The following ZNF208 variants were observed in gnomAD, a reference collection of about 807,000 sequenced individuals.
ZNF208 encodes the protein zinc finger protein 95.
In ZNF208, 10 loss-of-function variants were observed where a neutral mutation model predicts 12.1. The observed-to-expected ratio is 0.83, with a 90% confidence interval of 0.51 to 1.40. The LOEUF (loss-of-function observed/expected upper bound fraction) is 1.40, where lower values mean the gene tolerates loss of function less well. ZNF208 is among the 40% of genes most tolerant of loss of function. The pLI is 0.00. For synonymous variants in ZNF208, 497 were observed against 488.4 expected, an observed-to-expected ratio of 1.02 and a Z score of -0.23; for missense variants, 1,652 against 1,485.0, an observed-to-expected ratio of 1.11 and a Z score of -1.85.
At chr19:21,979,233 C>T (rs1599620330) in intron 3 of ZNF208, among the ~76,000 whole-genome samples, 1 of 152,146 alleles carries the variant, frequency 6.6e-6, no homozygotes, top group East Asian at 1.9e-4. Context: ...GAGAACACCA[C>T]AAAGATGCTC....
At chr19:21,978,765 G>C (rs1163296631) in intron 3 of ZNF208, among the ~76,000 whole-genome samples, 2 of 152,030 alleles carry the variant, frequency 1.3e-5, no homozygotes, top group African/African-American at 4.8e-5. Context: ...TTCAGAGGTG[G>C]GTTATAACAA....
Position 21,973,068 on chromosome 19 carries a change from T to C in ZNF208, c.1966A>G (p.Lys656Glu). Residue 656 changes from lysine to glutamate, a missense_variant, in exon 4 of 4, where the codon AAG becomes GAG. By Grantham distance (56) the Lys-to-Glu change is moderately conservative. Transcript: ENST00000397126. ...FIKVSTLTTH[K>E]AIHAGEKPYK... Reference sequence around the variant, plus strand: ...GGCTTCTCTCCAGCATGAATTGCCTTATGTGTAGTAAGGGTTGAGACCTTA... The same window carrying C: ...GGCTTCTCTCCAGCATGAATTGCCTCATGTGTAGTAAGGGTTGAGACCTTA... 6 of 1,613,524 alleles carry C rather than the reference T, an allele frequency of 3.7e-6. 1 individual carries two copies. The South Asian group carries it at 4.4e-5, about 12-fold the overall frequency.
intron 1 of ZNF208, among the ~76,000 whole-genome samples, chr19:21,996,113 C>T (rs1226982312): frequency 1.3e-5 from 2 of 152,056 alleles, no homozygotes; most frequent in African/African-American, 4.8e-5. Context: ...CTAGGATATT[C>T]TAAATAATAT....
downstream of ZNF208, among the ~76,000 whole-genome samples, chr19:21,964,834 G>A (rs903313331): frequency 7.3e-5 from 11 of 151,668 alleles, no homozygotes; most frequent in African/African-American, 2.7e-4. Context: ...AAAAAAGATT[G>A]GAATTACTGA....
downstream of ZNF208, among the ~76,000 whole-genome samples, chr19:21,964,021 A>G (rs1247023788): frequency 6.6e-6 from 1 of 151,960 alleles, no homozygotes; most frequent in Non-Finnish European, 1.5e-5. Flanking sequence ...ATGATAGGTG[A>G]GTTCATAGAT....
chr19:21,997,648 TCAGA>T (rs1159032283), intron 1 of ZNF208: 1 of 161,922 alleles, frequency 6.2e-6, no homozygotes, highest in Non-Finnish European at 1.3e-5. Context: ...CAGTGGCACA[TCAGA>T]CAGTGAAGCC....
intron 3 of ZNF208, among the ~76,000 whole-genome samples, chr19:21,977,816 C>T (rs148111023): frequency 0.02 from 3,072 of 152,276 alleles, 90 homozygotes; most frequent in African/African-American, 0.069. Flanking sequence ...GGAGCCCAGC[C>T]GGCTAAGATC....
rs190797248 is a variant in ZNF208, at chr19:21,974,578, A to G, written c.456T>C (p.Asn152=). The change falls in exon 4 of 4, where the codon AAT becomes AAC. Residue 152 remains asparagine, a synonymous_variant. Transcript: ENST00000397126. ...SKVFQRGKYA[N]VFHKCSNSNR... ...TTGAATTTGAACATTTATGAAAGAC[A>G]TTTGCATATTTGCCACGTTGAAATA... 259 of 1,613,630 alleles carry G rather than the reference A, an allele frequency of 1.6e-4. 1 individual carries two copies. In the East Asian group the frequency reaches 5.2e-3, roughly 32 times the overall value.
chr19:21,975,845 A>C (rs1352789298), intron 3 of ZNF208, among the ~76,000 whole-genome samples: 1 of 146,412 alleles, frequency 6.8e-6, no homozygotes, highest in Non-Finnish European at 1.5e-5. Flanking sequence ...AAAAAAAAAA[A>C]AAAAAAGCTA....
chr19:21,994,396 T>C (rs993374276), intron 1 of ZNF208, among the ~76,000 whole-genome samples: 1 of 152,134 alleles, frequency 6.6e-6, no homozygotes, highest in Non-Finnish European at 1.5e-5. Context: ...CCCAAAACTC[T>C]GATCTCTTCT....
At chr19:21,946,531 C>A (rs1345897708) in intron 4 of ZNF208, among the ~76,000 whole-genome samples, 1 of 152,210 alleles carries the variant, frequency 6.6e-6, no homozygotes, top group Non-Finnish European at 1.5e-5. Flanking sequence ...ACCCTTGTGT[C>A]CACACTCCTT....
intron 3 of ZNF208, among the ~76,000 whole-genome samples, chr19:21,978,105 TG>T (rs1970466920): frequency 6.6e-6 from 1 of 152,162 alleles, no homozygotes; most frequent in Admixed American, 6.5e-5. Flanking sequence ...CCCATCTCCC[TG>T]GGACAGAGCA....
intron 4 of ZNF208, chr19:21,940,136 T>A (rs1381141975): frequency 6.7e-6 from 1 of 150,052 alleles, no homozygotes; most frequent in African/African-American, 2.5e-5. Context: ...GTAGCAAGAC[T>A]GAAAGTTTTA....
chr19:21,941,540 T>C (rs1969740917), intron 4 of ZNF208: 6 of 339,328 alleles, frequency 1.8e-5, no homozygotes, highest in Non-Finnish European at 3.0e-5. Flanking sequence ...AAAAAGTTAT[T>C]TGTTTTTTTT....
chr19:22,004,440 G>A (rs1200284972), intron 1 of ZNF208, among the ~76,000 whole-genome samples: 1 of 151,998 alleles, frequency 6.6e-6, no homozygotes, highest in East Asian at 1.9e-4. Flanking sequence ...TTGAACCTGG[G>A]AGGTAGAGGT....
intron 4 of ZNF208, among the ~76,000 whole-genome samples, chr19:21,949,638 C>A (rs1344366239): frequency 6.6e-6 from 1 of 152,164 alleles, no homozygotes; most frequent in Admixed American, 6.5e-5. Flanking sequence ...AAAGCACCAA[C>A]CCTCAGTCTT....
At chr19:21,992,917 G>C (rs528377907) in intron 1 of ZNF208, among the ~76,000 whole-genome samples, 1 of 152,286 alleles carries the variant, frequency 6.6e-6, no homozygotes, top group South Asian at 2.1e-4. Context: ...ATCTTGATCT[G>C]AGACATGTTT....
intron 4 of ZNF208, among the ~76,000 whole-genome samples, chr19:21,950,582 C>T (rs528387154): frequency 6.6e-6 from 1 of 151,952 alleles, no homozygotes; most frequent in South Asian, 2.1e-4. Flanking sequence ...CAACCTCCAC[C>T]TCCTGGGTTC....
At chr19:21,974,932 C>T in intron 3 of ZNF208, 125 bp from the exon 4 acceptor site, 2 of 1,148,924 alleles carry the variant, frequency 1.7e-6, no homozygotes, top group Non-Finnish European at 1.2e-6. Flanking sequence ...TGACACAGGC[C>T]CTAATTCTTC....
Sources: gnomAD v4.1 joint callset for allele counts (sites outside exome capture counted in the v4.1 genomes callset) on GRCh38, gnomAD v4.1.1 for gene constraint, MANE v1.5 for transcripts, NCBI Gene and HGNC (gene_info 2026-07-23, HGNC 2026-07-21) for gene names.